PLAAT1: variants seen among roughly 807,000 people sequenced by gnomAD.
PLAAT1 encodes phospholipase A and acyltransferase 1, also known as H-REV107 protein-related protein.
Under a neutral mutation model 16.4 loss-of-function variants are expected in PLAAT1, and 13 were observed. The observed-to-expected ratio is 0.79, with a 90% confidence interval of 0.52 to 1.26. The LOEUF is 1.26. Ranked by LOEUF, PLAAT1 falls within the 50% of genes most tolerant of loss-of-function variation. The probability of loss-of-function intolerance (pLI) is 0.00; values close to 1 mark genes in which losing one functional copy is unlikely to be tolerated. For synonymous variants in PLAAT1, 73 were observed against 78.4 expected (o/e 0.93, Z 0.36); for missense variants, 218 against 207.8 (o/e 1.05, Z -0.30).
intron 1 of PLAAT1, among the ~76,000 whole-genome samples, chr3:193,247,763 T>A (rs1417911441): frequency 6.6e-6 from 1 of 152,226 alleles, no homozygotes; most frequent in African/African-American, 2.4e-5. Context: ...TATTGATTTC[T>A]AGGTTTGTGC....
chr3:193,241,154 G>A (rs914302207), upstream of PLAAT1: 5 of 1,162,304 alleles, frequency 4.3e-6, no homozygotes, highest in East Asian at 6.7e-5. Context: ...AGCTGGGCTC[G>A]GGGCCAAGCG....
chr3:193,251,006 G>A (rs539764916), intron 1 of PLAAT1, among the ~76,000 whole-genome samples: 2 of 152,122 alleles, frequency 1.3e-5, no homozygotes, highest in East Asian at 3.9e-4. Flanking sequence ...AGCGAGCAGG[G>A]GAAAGAAGTG....
chr3:193,241,276 C>G lies in PLAAT1; in HGVS notation c.-258C>G. The G allele has an allele frequency of 4.1e-6, 5 of 1,229,294 alleles. No homozygotes were observed. Among genetic ancestry groups the G allele is most frequent in the Non-Finnish European group, 5.1e-6 (5 of 986,484 alleles). The allele number at this position is 1,229,294 out of a possible 1,614,324, so 76.1% of individuals were successfully genotyped here. A position where few individuals can be genotyped will look rare whatever the true frequency, so the allele number is the denominator to read the frequency against. On this transcript the variant is annotated 5_prime_UTR_variant, in exon 1 of 4. Coordinates refer to ENST00000264735, the MANE Select transcript of PLAAT1 (RefSeq NM_020386.5). ...CCGGACGCCGAGCCCAGCGCGTCGG[C>G]CCCCCGGCGTGCGGGCGTCTCAGAG...
At chr3:193,248,499 T>A (rs1392683474) in intron 1 of PLAAT1, among the ~76,000 whole-genome samples, 2 of 152,146 alleles carry the variant, frequency 1.3e-5, no homozygotes, top group African/African-American at 4.8e-5. Flanking sequence ...TGTTTTCCTC[T>A]CTTGCTTGCT....
intron 1 of PLAAT1, among the ~76,000 whole-genome samples, chr3:193,246,063 T>C (rs1715971772): frequency 6.6e-6 from 1 of 152,230 alleles, no homozygotes; most frequent in African/African-American, 2.4e-5. Context: ...TCTTCTTGCC[T>C]AATTGCTCTA....
At chr3:193,271,460 A>G (rs1434630596), downstream of PLAAT1, among the ~76,000 whole-genome samples, 1 of 152,248 alleles carries the variant, frequency 6.6e-6, no homozygotes, top group African/African-American at 2.4e-5. Context: ...TTGGAAAACA[A>G]TATCTCATAT....
At chr3:193,275,147 A>AT (rs755360798), downstream of PLAAT1, 1 of 1,614,118 alleles carries the variant, frequency 6.2e-7, no homozygotes, top group Non-Finnish European at 8.5e-7. Flanking sequence ...TGTAGAATCC[A>AT]TTTTTGCCAT....
At chr3:193,240,970 C>T (rs1482432003), upstream of PLAAT1, among the ~76,000 whole-genome samples, 3 of 152,194 alleles carry the variant, frequency 2.0e-5, no homozygotes, top group African/African-American at 4.8e-5. Context: ...GTGCCCTAAA[C>T]GTTGGCTGCG....
chr3:193,263,329 A>G, intron 3 of PLAAT1, 94 bp downstream of exon 3: 1 of 1,173,892 alleles, frequency 8.5e-7, no homozygotes, highest in South Asian at 1.6e-5. Context: ...GAAAAGAACC[A>G]GAAAATACGA....
intron 2 of PLAAT1, among the ~76,000 whole-genome samples, chr3:193,276,368 T>C (rs1388941599): frequency 2.0e-5 from 3 of 152,230 alleles, no homozygotes; most frequent in Non-Finnish European, 4.4e-5. Context: ...CTCTTTCTTA[T>C]GGAAACCCTG....
At chr3:193,257,573 A>G (rs372692564) in intron 2 of PLAAT1, among the ~76,000 whole-genome samples, 1 of 152,334 alleles carries the variant, frequency 6.6e-6, no homozygotes, top group African/African-American at 2.4e-5. Flanking sequence ...TCAAAACTAT[A>G]CAAAAACATG....
At chr3:193,267,515 C>T (rs1448984374) in intron 3 of PLAAT1, among the ~76,000 whole-genome samples, 2 of 151,984 alleles carry the variant, frequency 1.3e-5, no homozygotes, top group Non-Finnish European at 2.9e-5. Context: ...TTTAAGGTTT[C>T]TTCATGTACT....
At chr3:193,263,500 CTT>C (rs200752893) in intron 3 of PLAAT1, among the ~76,000 whole-genome samples, 1 of 151,894 alleles carries the variant, frequency 6.6e-6, no homozygotes, top group African/African-American at 2.4e-5. Flanking sequence ...GCCTTTTAGT[CTT>C]TTTTTCCTGT....
At chr3:193,263,645 T>C (rs1288474851) in intron 3 of PLAAT1, among the ~76,000 whole-genome samples, 1 of 152,210 alleles carries the variant, frequency 6.6e-6, no homozygotes, top group Non-Finnish European at 1.5e-5. Context: ...TTATTTTTCA[T>C]TGGTGGACAG....
intron 3 of PLAAT1, among the ~76,000 whole-genome samples, chr3:193,270,294 C>G (rs961246500): frequency 2.6e-5 from 4 of 152,162 alleles, no homozygotes; most frequent in Non-Finnish European, 1.5e-5. Context: ...GTATATTAAC[C>G]TCTTTCACCA....
chr3:193,252,944 GC>G (rs1716246865), intron 1 of PLAAT1, among the ~76,000 whole-genome samples: 1 of 125,072 alleles, frequency 8.0e-6, no homozygotes, highest in East Asian at 2.3e-4. Flanking sequence ...GTCCCAGGAA[GC>G]CTCAATAGGA....
chr3:193,249,734 G>A (rs966863963), intron 1 of PLAAT1, among the ~76,000 whole-genome samples: 10 of 151,562 alleles, frequency 6.6e-5, no homozygotes, highest in Non-Finnish European at 1.0e-4. Flanking sequence ...CCAATGACCC[G>A]TATTCAAGTT....
chr3:193,270,991 ATAT>A, downstream of PLAAT1: 1 of 401,930 alleles, frequency 2.5e-6, no homozygotes, highest in Non-Finnish European at 3.5e-6. Context: ...TCTACTATAA[ATAT>A]TATTTTCCTT....
intron 2 of PLAAT1, among the ~76,000 whole-genome samples, chr3:193,259,609 AAC>A (rs1224327658): frequency 1.3e-5 from 2 of 152,116 alleles, no homozygotes; most frequent in Non-Finnish European, 2.9e-5. Context: ...CCATATTAAA[AAC>A]ACAATTCATT....
Sources: allele counts gnomAD v4.1 joint callset (sites outside exome capture counted in the v4.1 genomes callset), GRCh38; gene constraint gnomAD v4.1.1; transcripts MANE v1.5; gene names NCBI Gene and HGNC (gene_info 2026-07-23, HGNC 2026-07-21).